Variants in ST3GAL4 observed in about 807,000 individuals in gnomAD.
ST3GAL4 encodes CMP-N-acetylneuraminate-beta-galactosamide-alpha-2,3-sialyltransferase 4.
In ST3GAL4, 24 loss-of-function variants were observed where a neutral mutation model predicts 42.6. The ratio of observed to expected loss-of-function variants is 0.56; its 90% confidence interval spans 0.41 to 0.79. The LOEUF (loss-of-function observed/expected upper bound fraction) is 0.79, where lower values mean the gene tolerates loss of function less well. Ranked by LOEUF, ST3GAL4 falls within the 30% of genes least tolerant of loss-of-function variation. ST3GAL4 has a pLI of 0.00. For synonymous variants in ST3GAL4, 135 were observed against 163.2 expected, an observed-to-expected ratio of 0.83 and a Z score of 1.32; for missense variants, 311 against 430.8, an observed-to-expected ratio of 0.72 and a Z score of 2.46.
rs1274134082 is a variant in ST3GAL4, at chr11:126,410,143, G to A, written c.771+732G>A. ...GCTGGTCCTGAACTCCTGGCCTCAA[G>A]TGATCCTCGTGTCTCAGCCTCCCAA... is the stretch of plus-strand genomic sequence containing the variant. On this transcript the variant is annotated intron_variant, in intron 9 of 10. Coordinates refer to ENST00000444328, the MANE Select transcript of ST3GAL4 (RefSeq NM_001254757.2). The surrounding 1 kb of genome is among the most constrained non-coding windows in gnomAD (Gnocchi z 5.3). Among the ~76,000 whole-genome samples the A allele has an allele frequency of 6.6e-6, 1 of 152,236 alleles. No homozygotes were observed.
At position 126,366,640 on chromosome 11, in the gene ST3GAL4, C is replaced by G. The variant is rs1238942238; in HGVS notation, c.-61+10798C>G. Reference sequence around the variant, plus strand: ...CACTCGCTCAGCCCCTTTAACCCTGCTGGCTCCTAATGAGACTTCAGGTGT... The same window carrying G: ...CACTCGCTCAGCCCCTTTAACCCTGGTGGCTCCTAATGAGACTTCAGGTGT... On this transcript the variant is annotated intron_variant, in intron 1 of 10. Coordinates refer to ENST00000444328, the MANE Select transcript of ST3GAL4 (RefSeq NM_001254757.2). The surrounding 1 kb of genome is among the most constrained non-coding windows in gnomAD (Gnocchi z 4.2). 4.6e-5 allele frequency among the ~76,000 whole-genome samples: 7 copies of G among 152,294 alleles called. No individual in the cohort carries two copies. The East Asian group carries it at 9.6e-4, about 21-fold the overall frequency.
chr11:126,364,806 TG>T (rs1209603601), intron 1 of ST3GAL4, among the ~76,000 whole-genome samples: 1 of 151,532 alleles, frequency 6.6e-6, no homozygotes, highest in Non-Finnish European at 1.5e-5. Flanking sequence ...GATGCAGCTC[TG>T]GCCTTGGCCC....
Position 126,408,506 on chromosome 11 carries a change from G to A in ST3GAL4, c.627+10G>A. 6.2e-7 allele frequency: 1 copy of A among 1,613,746 alleles called. No individual in the cohort carries two copies. The highest frequency in any genetic ancestry group is 8.5e-7 in the Non-Finnish European group (1 of 1,179,948). The stretch of plus-strand genomic sequence containing the variant: ...GAGTGATAAGAAGCGGGTAAGTTGG[G>A]GGACAGACTGGGGGCTGAGGCCTGG... On this transcript the variant is annotated intron_variant, in intron 8 of 10. Coordinates refer to ENST00000444328, the MANE Select transcript of ST3GAL4 (RefSeq NM_001254757.2).
rs1591419806 is a variant in ST3GAL4 at position 126,366,740 on chromosome 11, G to A, written c.-61+10898G>A. On this transcript the variant is annotated intron_variant, in intron 1 of 10. Coordinates refer to ENST00000444328, the MANE Select transcript of ST3GAL4 (RefSeq NM_001254757.2). This position sits in a 1 kb window ranked among gnomAD's most constrained non-coding sequence, Gnocchi z 4.2. ...AAGCACCAGGCTGACCATGGTGTCC[G>A]TCTCAGTGCCCAGCAGATGTTCTGG... is the stretch of plus-strand genomic sequence containing the variant. Among the ~76,000 whole-genome samples, 2 of 152,180 alleles carry A rather than the reference G, an allele frequency of 1.3e-5. No individual in the cohort carries two copies. The highest frequency in any genetic ancestry group is 2.4e-5 in the African/African-American group (1 of 41,434).
intron 1 of ST3GAL4, among the ~76,000 whole-genome samples, chr11:126,380,964 A>C (rs1035842299): frequency 1.3e-5 from 2 of 152,216 alleles, no homozygotes; most frequent in Non-Finnish European, 2.9e-5. Flanking sequence ...CTGTCTGTAC[A>C]TGCGTGCCTG....
chr11:126,408,514 C>T lies in ST3GAL4; in HGVS notation c.627+18C>T, dbSNP rs755688937. ...AGAAGCGGGTAAGTTGGGGGACAGA[C>T]TGGGGGCTGAGGCCTGGCGGTGGGG... On this transcript the variant is annotated intron_variant, in intron 8 of 10. Transcript: ENST00000444328. 6.2e-7 allele frequency: 1 copy of T among 1,613,366 alleles called. No individual in the cohort carries two copies. The highest frequency in any genetic ancestry group is 8.5e-7 in the Non-Finnish European group (1 of 1,179,762).
Position 126,410,507 on chromosome 11 carries a change from A to G in ST3GAL4, c.771+1096A>G, listed in dbSNP as rs776234318. On this transcript the variant is annotated intron_variant, in intron 9 of 10. Transcript: ENST00000444328. This position sits in a 1 kb window ranked among gnomAD's most constrained non-coding sequence, Gnocchi z 5.3. ...CCTGTGTGGTGGGATAATATCCATA[A>G]TGACCTTTTAAGGCTGTTGTAGGAG... 2.0e-5 allele frequency among the ~76,000 whole-genome samples: 3 copies of G among 152,236 alleles called. No individual in the cohort carries two copies. Among genetic ancestry groups the G allele is most frequent in the Non-Finnish European group, 4.4e-5 (3 of 68,048 alleles).
intron 1 of ST3GAL4, among the ~76,000 whole-genome samples, chr11:126,377,479 C>CTTTTTT (rs59029262): frequency 5.9e-5 from 7 of 117,652 alleles, no homozygotes; most frequent in East Asian, 2.6e-4. Flanking sequence ...CCAACACCTT[C>CTTTTTT]TTTTTTTTTT....
At chr11:126,369,371 C>T (rs1952554325) in intron 1 of ST3GAL4, among the ~76,000 whole-genome samples, 2 of 152,126 alleles carry the variant, frequency 1.3e-5, no homozygotes, top group Non-Finnish European at 2.9e-5. Context: ...CCTCAGCCTC[C>T]CGAGTAGCTG....
At position 126,409,521 on chromosome 11, in the gene ST3GAL4, T is replaced by G; in HGVS notation, c.771+110T>G. On this transcript the variant is annotated intron_variant, in intron 9 of 10. Transcript: ENST00000444328. This position sits in a 1 kb window ranked among gnomAD's most constrained non-coding sequence, Gnocchi z 4.9. ...AGGATCCCATAACAGAGGCGGCGGT[T>G]TGCATTTTCCCTCCAGGAACACACC... 1 of 1,463,932 alleles carries G rather than the reference T, an allele frequency of 6.8e-7. No individual in the cohort carries two copies. The allele number at this position is 1,463,932 out of a possible 1,614,324, so 90.7% of individuals were successfully genotyped here. A position where few individuals can be genotyped will look rare whatever the true frequency, so the allele number is the denominator to read the frequency against.
Position 126,409,321 on chromosome 11 carries a change from A to G in ST3GAL4, c.681A>G (p.Lys227=). The G allele has an allele frequency of 1.2e-6, 2 of 1,614,202 alleles. No homozygotes were observed. The highest frequency in any genetic ancestry group is 1.1e-5 in the South Asian group (1 of 91,084). ...QPPLIWDVNP[K]QIRILNPFFM... ...CCCTCATCTGGGATGTCAATCCTAA[A>G]CAGATTCGGATTCTCAACCCCTTCT... The change falls in exon 9 of 11, where the codon AAA becomes AAG. Residue 227 remains lysine, a synonymous_variant. Coordinates refer to ENST00000444328, the MANE Select transcript of ST3GAL4 (RefSeq NM_001254757.2). The surrounding 1 kb of genome is among the most constrained non-coding windows in gnomAD (Gnocchi z 4.9).
intron 1 of ST3GAL4, among the ~76,000 whole-genome samples, chr11:126,380,086 A>T (rs1003679035): frequency 6.6e-6 from 1 of 151,494 alleles, no homozygotes; most frequent in African/African-American, 2.4e-5. Flanking sequence ...ACATGGTGAA[A>T]CCCCATCTCT....
rs931136895 is a variant in ST3GAL4 at position 126,414,292 on chromosome 11, T to A, written c.*245T>A. The A allele has an allele frequency of 3.6e-6, 2 of 559,862 alleles. No homozygotes were observed. Among genetic ancestry groups the A allele is most frequent in the Non-Finnish European group, 6.4e-6 (2 of 311,442 alleles). The allele number at this position is 559,862 out of a possible 1,614,324, so 34.7% of individuals were successfully genotyped here. Reference sequence around the variant, plus strand: ...CCGGCCAGGGCAGGGGGCTCGTTGCTGTGGCACCCCCTCTCTGCCAGCACC... The same window carrying A: ...CCGGCCAGGGCAGGGGGCTCGTTGCAGTGGCACCCCCTCTCTGCCAGCACC... On this transcript the variant is annotated 3_prime_UTR_variant, in exon 11 of 11. Coordinates refer to ENST00000444328, the MANE Select transcript of ST3GAL4 (RefSeq NM_001254757.2).
chr11:126,413,515 C>A lies in ST3GAL4; in HGVS notation c.782C>A (p.Thr261Lys). 6.2e-7 allele frequency: 1 copy of A among 1,614,134 alleles called. No individual in the cohort carries two copies. The highest frequency in any genetic ancestry group is 8.5e-7 in the Non-Finnish European group (1 of 1,180,014). ...GCCCCTGTTCCTCAGAAGCCCACCACGGGCCTGTTGGCCATCACGCTGGCC... is the reference window on the plus strand; with the variant it reads ...GCCCCTGTTCCTCAGAAGCCCACCAAGGGCCTGTTGGCCATCACGCTGGCC... ...QPRKIKQKPT[T>K]GLLAITLALH... The change falls in exon 10 of 11, where the codon ACG (threonine) becomes AAG (lysine). Residue 261 changes from threonine (T) to lysine (K), a missense_variant. By Grantham distance (78) the Thr-to-Lys change is moderately conservative. Coordinates refer to ENST00000444328, the MANE Select transcript of ST3GAL4 (RefSeq NM_001254757.2).
intron 8 of ST3GAL4, 82 bp downstream of exon 8, chr11:126,408,578 G>A (rs531714578): frequency 2.0e-5 from 30 of 1,499,798 alleles, no homozygotes; most frequent in Middle Eastern, 1.8e-4. Context: ...CTTGATGTCC[G>A]CCTGGCAGTC....
chr11:126,356,023 T>A (rs922515999), intron 1 of ST3GAL4, 181 bp downstream of exon 1: 44 of 151,738 alleles, frequency 2.9e-4, no homozygotes, highest in African/African-American at 1.0e-3. Context: ...CTTTCCGGGG[T>A]CCCTTTCCCT....
chr11:126,410,805 A>G lies in ST3GAL4; in HGVS notation c.771+1394A>G, dbSNP rs1406037185. On this transcript the variant is annotated intron_variant, in intron 9 of 10. Coordinates refer to ENST00000444328, the MANE Select transcript of ST3GAL4 (RefSeq NM_001254757.2). The surrounding 1 kb of genome is among the most constrained non-coding windows in gnomAD (Gnocchi z 5.3). ...TTGCACTGTGGGGTGATAAAATTCC[A>G]CAATGGAGAGTTGTTCCCAATGCCG... Among the ~76,000 whole-genome samples the G allele has an allele frequency of 6.6e-6, 1 of 152,132 alleles. No homozygotes were observed. Among genetic ancestry groups the G allele is most frequent in the Non-Finnish European group, 1.5e-5 (1 of 68,024 alleles).
Position 126,413,927 on chromosome 11 carries a change from G to A in ST3GAL4, c.916-34G>A, listed in dbSNP as rs1954636329. The A allele has an allele frequency of 1.4e-5, 22 of 1,610,666 alleles. No homozygotes were observed. In the East Asian group the frequency reaches 4.9e-4, roughly 36 times the overall value. The stretch of plus-strand genomic sequence containing the variant: ...CCTGGGGACAGAGAGGTCCCTGGGA[G>A]TCCCTCAGTTTATTTCCTTGGCTGT... On this transcript the variant is annotated intron_variant, in intron 10 of 10. Coordinates refer to ENST00000444328, the MANE Select transcript of ST3GAL4 (RefSeq NM_001254757.2).
chr11:126,374,477 A>C (rs1952761690), intron 1 of ST3GAL4, among the ~76,000 whole-genome samples: 1 of 150,968 alleles, frequency 6.6e-6, no homozygotes, highest in Non-Finnish European at 1.5e-5. Context: ...AAAAAAAAAA[A>C]ATAGAGAAAA....
Sources: gnomAD v4.1 joint callset for allele counts (sites outside exome capture counted in the v4.1 genomes callset) on GRCh38, gnomAD v4.1.1 for gene constraint, Gnocchi (gnomAD v3.1) non-coding constraint, MANE v1.5 for transcripts, NCBI Gene and HGNC (gene_info 2026-07-23, HGNC 2026-07-21) for gene names.